C1QTNF5: variants seen among roughly 807,000 people sequenced by gnomAD.
C1QTNF5 encodes complement C1q tumor necrosis factor-related protein 5.
In C1QTNF5, 5 loss-of-function variants were observed where a neutral mutation model predicts 10.9. The observed-to-expected ratio is 0.46, with a 90% CI of 0.24 to 0.97. C1QTNF5 has a LOEUF of 0.97. Ranked by LOEUF, C1QTNF5 falls within the 50% of genes least tolerant of loss-of-function variation. C1QTNF5 has a pLI of 0.19. For synonymous variants in C1QTNF5, 161 were observed against 156.5 expected (o/e 1.03, Z -0.22); for missense variants, 281 against 339.4 (o/e 0.83, Z 1.35).
upstream of C1QTNF5, chr11:119,345,679 C>T (rs771682623): frequency 1.2e-6 from 2 of 1,612,222 alleles, no homozygotes; most frequent in Admixed American, 1.7e-5. Flanking sequence ...GGAGTGAGGT[C>T]CTTTATTCTC....
At chr11:119,344,823 G>A (rs752970071), upstream of C1QTNF5, 2 of 1,613,598 alleles carry the variant, frequency 1.2e-6, no homozygotes, top group East Asian at 2.2e-5. Flanking sequence ...ACTGGGAGTG[G>A]GTGGAGGGGA....
In C1QTNF5 at chr11:119,340,437, C is replaced by T. The variant is rs1950491167; in HGVS notation, c.-40G>A. 6.5e-7 allele frequency: 1 copy of T among 1,531,130 alleles called. No homozygotes were observed. Among genetic ancestry groups the T allele is most frequent in the Admixed American group, 2.0e-5 (1 of 50,848 alleles). 94.8% of individuals were successfully genotyped at this position (1,531,130 alleles called of 1,614,324 possible). A position where few individuals can be genotyped will look rare whatever the true frequency, so the allele number is the denominator to read the frequency against. ...GAGCCCGGACGCCGGGGTCCTCTCGCAGTCTGTGGACCAGGCAGGACTGGA... is the reference window on the plus strand; with the variant it reads ...GAGCCCGGACGCCGGGGTCCTCTCGTAGTCTGTGGACCAGGCAGGACTGGA... On this transcript the variant is annotated 5_prime_UTR_variant, in exon 2 of 3. Transcript: ENST00000528368.
upstream of C1QTNF5, chr11:119,342,685 C>T: frequency 1.2e-6 from 2 of 1,613,738 alleles, no homozygotes; most frequent in South Asian, 1.1e-5. Context: ...CACACCCTTA[C>T]ACCCTCCTGC....
chr11:119,346,240 T>C, the C1QTNF5 span: 5 of 1,581,310 alleles, frequency 3.2e-6, no homozygotes, highest in Admixed American at 5.4e-5. Flanking sequence ...GGCCTCTCTG[T>C]CCTCCCCCAG....
At chr11:119,342,643 G>T (rs1230334390), upstream of C1QTNF5, 2 of 1,613,642 alleles carry the variant, frequency 1.2e-6, no homozygotes, top group East Asian at 2.2e-5. Context: ...GCTGCCATCG[G>T]TGCAGTCTCT....
In C1QTNF5 at chr11:119,339,226, G is replaced by C; in HGVS notation, c.*105C>G. 1 of 1,310,330 alleles carries C rather than the reference G, an allele frequency of 7.6e-7. No homozygotes were observed. The highest frequency in any genetic ancestry group is 1.1e-6 in the Non-Finnish European group (1 of 947,082). The allele number at this position is 1,310,330 out of a possible 1,614,324, so 81.2% of individuals were successfully genotyped here. A position where few individuals can be genotyped will look rare whatever the true frequency, so the allele number is the denominator to read the frequency against. On this transcript the variant is annotated 3_prime_UTR_variant, in exon 3 of 3. Transcript: ENST00000528368. This position sits in a 1 kb window ranked among gnomAD's most constrained non-coding sequence, Gnocchi z 5.4. ...GAGAGTGCTCTACCCCACCTCCCTA[G>C]TCATTCACAATATTCCAGGGGGGCC...
At chr11:119,345,507 T>C, upstream of C1QTNF5, 1 of 1,614,104 alleles carries the variant, frequency 6.2e-7, no homozygotes, top group African/African-American at 1.3e-5. Context: ...GGCTTCGATC[T>C]TGAGCTGTAT....
chr11:119,343,841 A>G, upstream of C1QTNF5: 1 of 1,613,736 alleles, frequency 6.2e-7, no homozygotes, highest in Non-Finnish European at 8.5e-7. Context: ...AAGGCCCCTG[A>G]GCTGCTGGTC....
At chr11:119,341,068 G>A, upstream of C1QTNF5, 1 of 193,636 alleles carries the variant, frequency 5.2e-6, no homozygotes, top group Non-Finnish European at 1.1e-5. Context: ...GAGAGGCAGG[G>A]CAGTGGCAGA....
chr11:119,339,120 G>T lies in C1QTNF5; in HGVS notation c.*211C>A, dbSNP rs1950469140. 1 of 609,610 alleles carries T rather than the reference G, an allele frequency of 1.6e-6. No homozygotes were observed. The highest frequency in any genetic ancestry group is 2.8e-6 in the Non-Finnish European group (1 of 353,040). The allele number at this position is 609,610 out of a possible 1,614,324, so 37.8% of individuals were successfully genotyped here. The stretch of plus-strand genomic sequence containing the variant: ...GCACAGCACACTCCTCTGGTCTTGG[G>T]CAGAAATCCAGCCACTGCCCCATGC... On this transcript the variant is annotated 3_prime_UTR_variant, in exon 3 of 3. Transcript: ENST00000528368. The surrounding 1 kb of genome is among the most constrained non-coding windows in gnomAD (Gnocchi z 5.4).
chr11:119,343,708 G>A, upstream of C1QTNF5: 1 of 1,409,018 alleles, frequency 7.1e-7, no homozygotes, highest in Non-Finnish European at 1.0e-6. Flanking sequence ...GCCTGGAGTA[G>A]CAGAAGAAAA....
At chr11:119,344,848 C>G (rs779988237), upstream of C1QTNF5, 4 of 1,613,430 alleles carry the variant, frequency 2.5e-6, no homozygotes, top group Admixed American at 3.3e-5. Context: ...AGTGGACACT[C>G]AACAGGCAGG....
Position 119,339,881 on chromosome 11 carries a change from A to T in C1QTNF5, c.215-33T>A, listed in dbSNP as rs1420883389. 20 of 1,441,358 alleles carry T rather than the reference A, an allele frequency of 1.4e-5. No individual in the cohort carries two copies. Among genetic ancestry groups the T allele is most frequent in the African/African-American group, 2.9e-5 (2 of 69,236 alleles). 89.3% of individuals were successfully genotyped at this position (1,441,358 alleles called of 1,614,324 possible). A position where few individuals can be genotyped will look rare whatever the true frequency, so the allele number is the denominator to read the frequency against. On this transcript the variant is annotated intron_variant, in intron 2 of 2. Transcript: ENST00000528368. The surrounding 1 kb of genome is among the most constrained non-coding windows in gnomAD (Gnocchi z 5.4). ...GTAAGCGGGGCGGCAGGGTGAGAGTAGCGGCGGCTCAGCCCGCAGCGGGGC... is the reference window on the plus strand; with the variant it reads ...GTAAGCGGGGCGGCAGGGTGAGAGTTGCGGCGGCTCAGCCCGCAGCGGGGC...
At chr11:119,344,432 G>T (rs752323232), upstream of C1QTNF5, 8 of 1,594,880 alleles carry the variant, frequency 5.0e-6, no homozygotes, top group Admixed American at 1.4e-4. Context: ...GCTAGGATCT[G>T]TGCCTCCATC....
intron 1 of C1QTNF5, 75 bp downstream of exon 1, chr11:119,340,620 C>A (rs1408240962): frequency 5.4e-6 from 3 of 555,418 alleles, no homozygotes; most frequent in African/African-American, 2.0e-5. Context: ...CCAGCCCTCC[C>A]TCCCACCGCC....
At chr11:119,344,480 G>A, upstream of C1QTNF5, 1 of 1,557,948 alleles carries the variant, frequency 6.4e-7, no homozygotes, top group Non-Finnish European at 8.8e-7. Flanking sequence ...GAGAGTTTTG[G>A]CCATGCCCAT....
At chr11:119,342,526 C>G, upstream of C1QTNF5, 1 of 1,587,996 alleles carries the variant, frequency 6.3e-7, no homozygotes, top group Non-Finnish European at 8.6e-7. Context: ...GGACACTGTG[C>G]AGTACGGCAG....
chr11:119,345,695 G>GC, upstream of C1QTNF5: 4 of 1,611,298 alleles, frequency 2.5e-6, no homozygotes, highest in Non-Finnish European at 3.4e-6. Flanking sequence ...TTCTCAAGGT[G>GC]CCTCTTCCTC....
chr11:119,345,903 C>T (rs746179158), upstream of C1QTNF5: 10 of 1,613,532 alleles, frequency 6.2e-6, no homozygotes, highest in Middle Eastern at 1.6e-4. Context: ...TATGGGACGC[C>T]CCAGATGGGG....
Sources: allele counts gnomAD v4.1 joint callset, GRCh38; gene constraint gnomAD v4.1.1; non-coding constraint Gnocchi (gnomAD v3.1); transcripts MANE v1.5; gene names NCBI Gene and HGNC (gene_info 2026-07-23, HGNC 2026-07-21).